Variants in SYNE2 observed in about 807,000 individuals in gnomAD.
The protein encoded by SYNE2 is nesprin-2.
SYNE2 carries 431 observed loss-of-function variants against 856.3 expected under a neutral mutation model. That is an observed-to-expected ratio of 0.50 (90% CI 0.47 to 0.55). SYNE2 has a LOEUF of 0.55. SYNE2 is among the 20% of genes least tolerant of loss of function. The pLI is 0.00. For missense variants in SYNE2, 8,129 were observed against 8,023.2 expected (o/e 1.01, Z -0.50); for synonymous variants, 2,923 against 2,872.3 (o/e 1.02, Z -0.56).
intron 1 of SYNE2, among the ~76,000 whole-genome samples, chr14:63,855,147 A>G (rs373732249): frequency 2.6e-5 from 4 of 152,100 alleles, no homozygotes; most frequent in Admixed American, 6.6e-5. Context: ...TTTTTCATCT[A>G]TAAGTATTTA....
chr14:63,815,278 A>G (rs1325955186), intron 1 of SYNE2, among the ~76,000 whole-genome samples: 1 of 114,712 alleles, frequency 8.7e-6, no homozygotes, highest in East Asian at 2.3e-4. Flanking sequence ...ATTAAGGTGT[A>G]TTAAACTCAC....
chr14:64,132,759 T>G (rs1270169880), intron 77 of SYNE2, among the ~76,000 whole-genome samples: 1 of 152,222 alleles, frequency 6.6e-6, no homozygotes, highest in African/African-American at 2.4e-5. Context: ...AAAACTGTAC[T>G]TCTTCAAGAG....
intron 2 of SYNE2, among the ~76,000 whole-genome samples, chr14:63,915,583 G>T (rs1371229669): frequency 6.6e-6 from 1 of 152,170 alleles, no homozygotes; most frequent in Non-Finnish European, 1.5e-5. Context: ...CTTGCAAGCA[G>T]TCCTACCAAG....
intron 53 of SYNE2, among the ~76,000 whole-genome samples, chr14:64,075,122 A>G (rs996584479): frequency 1.3e-5 from 2 of 152,218 alleles, no homozygotes; most frequent in Admixed American, 6.5e-5. Flanking sequence ...AAGGAAAACA[A>G]TGACACATTA....
At chr14:63,874,594 T>C (rs948755564) in intron 1 of SYNE2, among the ~76,000 whole-genome samples, 2 of 152,224 alleles carry the variant, frequency 1.3e-5, no homozygotes, top group Non-Finnish European at 2.9e-5. Context: ...TTAAGAATGT[T>C]GTTCAAAAGA....
chr14:63,939,351 T>C (rs1217203812), intron 2 of SYNE2, among the ~76,000 whole-genome samples: 1 of 148,900 alleles, frequency 6.7e-6, no homozygotes, highest in East Asian at 1.9e-4. Context: ...TTTTTTCTTT[T>C]TTTTTTTTTT....
chr14:64,186,443 C>A lies in SYNE2; in HGVS notation c.17576C>A (p.Ala5859Asp), dbSNP rs1331067965. 1.2e-6 allele frequency: 2 copies of A among 1,614,178 alleles called. No individual in the cohort carries two copies. The highest frequency in any genetic ancestry group is 1.7e-6 in the Non-Finnish European group (2 of 1,180,032). Residue 5859 changes from alanine to aspartate, a missense_variant, in exon 97 of 116, where the codon GCT (alanine) becomes GAT (aspartate). Ala to Asp is a moderately radical substitution (Grantham distance 126). Coordinates refer to ENST00000555002, the MANE Select transcript of SYNE2 (RefSeq NM_182914.3). ...ATGCAGGAACTAGAACAGTCTTTGG[C>A]TAGCTGGACTCAGAACTTGAAAGAA... Reference protein sequence around the residue: ...ELIKELEQSLASWTQNLKELQ... With the variant: ...ELIKELEQSLDSWTQNLKELQ...
intron 45 of SYNE2, among the ~76,000 whole-genome samples, chr14:64,033,386 G>C (rs2097057740): frequency 6.6e-6 from 1 of 152,098 alleles, no homozygotes; most frequent in East Asian, 1.9e-4. Context: ...CTAAAAATAA[G>C]AATTGTTTTT....
intron 45 of SYNE2, among the ~76,000 whole-genome samples, chr14:64,033,695 GAAAA>G (rs1243652460): frequency 2.7e-5 from 4 of 149,266 alleles, no homozygotes; most frequent in Non-Finnish European, 6.0e-5. Context: ...CAAGAAAAAA[GAAAA>G]AAAAAGGTTT....
At chr14:63,978,053 A>T in intron 13 of SYNE2, 36 bp downstream of exon 13, 1 of 1,378,370 alleles carries the variant, frequency 7.3e-7, no homozygotes, top group Non-Finnish European at 1.0e-6. Flanking sequence ...TGCTGTCACT[A>T]TTCACGTTTG....
intron 44 of SYNE2, 120 bp from the exon 45 acceptor site, chr14:64,030,896 T>A: frequency 1.3e-6 from 1 of 785,938 alleles, no homozygotes. Context: ...CTATGTGATA[T>A]GAGTTGTTAA....
intron 3 of SYNE2, 50 bp downstream of exon 3, chr14:63,940,725 C>G (rs1438730431): frequency 1.3e-6 from 2 of 1,547,662 alleles, no homozygotes; most frequent in South Asian, 2.2e-5. Flanking sequence ...ATTACTCCCC[C>G]TACTCCTTCT....
At position 64,132,637 on chromosome 14, in the gene SYNE2, T is replaced by A. The variant is rs10132508; in HGVS notation, c.14514+199T>A. Among the ~76,000 whole-genome samples the A allele has an allele frequency of 5.9e-3, 891 of 152,278 alleles. 9 individuals are homozygous for A. Among genetic ancestry groups the A allele is most frequent in the African/African-American group, 0.021 (855 of 41,560 alleles). On this transcript the variant is annotated intron_variant, in intron 77 of 115. Transcript: ENST00000555002. ...TTGGCTGGGATTTCTCATACATAGA[T>A]TGGGGATGGTACTGCGTCTCTCTGC... is the stretch of plus-strand genomic sequence containing the variant.
chr14:64,225,613 G>A lies in SYNE2; in HGVS notation c.*87G>A. The A allele has an allele frequency of 9.8e-6, 14 of 1,424,686 alleles. No homozygotes were observed. The highest frequency in any genetic ancestry group is 1.4e-5 in the Non-Finnish European group (14 of 1,024,694). The allele number at this position is 1,424,686 out of a possible 1,614,324, so 88.3% of individuals were successfully genotyped here. On this transcript the variant is annotated 3_prime_UTR_variant, in exon 116 of 116. Transcript: ENST00000555002. ...GCCCCAGACCAATCTGAGTGACTTA[G>A]TGTTGGCAAGGTCCCGGGACCTGTG...
intron 12 of SYNE2, 40 bp from the exon 13 acceptor site, chr14:63,977,865 G>A: frequency 7.5e-7 from 1 of 1,333,526 alleles, no homozygotes; most frequent in Non-Finnish European, 1.1e-6. Flanking sequence ...ACAGTGTTTG[G>A]CAATAAGTAT....
intron 97 of SYNE2, among the ~76,000 whole-genome samples, 166 bp from the exon 98 acceptor site, chr14:64,188,383 GA>G (rs2098502099): frequency 6.6e-6 from 1 of 152,144 alleles, no homozygotes; most frequent in South Asian, 2.1e-4. Flanking sequence ...CAGGTGTAAG[GA>G]ACTTCTGTTG....
chr14:64,164,251 A>G (rs2098356021), intron 89 of SYNE2, among the ~76,000 whole-genome samples: 1 of 152,240 alleles, frequency 6.6e-6, no homozygotes, highest in Non-Finnish European at 1.5e-5. Context: ...CTGGGACTAC[A>G]GGTGCCTGCC....
intron 84 of SYNE2, among the ~76,000 whole-genome samples, chr14:64,150,637 A>G (rs2098233757): frequency 6.6e-6 from 1 of 152,220 alleles, no homozygotes; most frequent in South Asian, 2.1e-4. Context: ...TAGGGGAATT[A>G]TGACAGCTTA....
At chr14:63,866,916 A>G (rs568164218) in intron 1 of SYNE2, among the ~76,000 whole-genome samples, 1 of 152,330 alleles carries the variant, frequency 6.6e-6, no homozygotes, top group South Asian at 2.1e-4. Flanking sequence ...AGATTGTGCC[A>G]CTACACTTCA....
Sources: gnomAD v4.1 joint callset for allele counts (sites outside exome capture counted in the v4.1 genomes callset) on GRCh38, gnomAD v4.1.1 for gene constraint, MANE v1.5 for transcripts, NCBI Gene and HGNC (gene_info 2026-07-23, HGNC 2026-07-21) for gene names.